The following NNT variants were observed in gnomAD, a reference collection of about 807,000 sequenced individuals.
NNT encodes nicotinamide nucleotide transhydrogenase.
Under a neutral mutation model 104.8 loss-of-function variants are expected in NNT, and 50 were observed. The ratio of observed to expected loss-of-function variants is 0.48; its 90% CI spans 0.38 to 0.60. The LOEUF (loss-of-function observed/expected upper bound fraction) is 0.60, where lower values mean the gene tolerates loss of function less well. NNT is among the 20% of genes least tolerant of loss of function. NNT has a pLI of 0.00. For missense variants in NNT, 1,131 were observed against 1,330.7 expected (o/e 0.85, Z 2.33); for synonymous variants, 461 against 490.4 (o/e 0.94, Z 0.79).
intron 17 of NNT, among the ~76,000 whole-genome samples, chr5:43,670,024 C>T (rs1019683777): frequency 2.6e-5 from 4 of 152,066 alleles, no homozygotes; most frequent in Admixed American, 1.3e-4. Flanking sequence ...GTGTATGTGT[C>T]CAGGAATTTA....
At chr5:43,660,957 A>T (rs1472133957) in intron 17 of NNT, among the ~76,000 whole-genome samples, 1 of 151,970 alleles carries the variant, frequency 6.6e-6, no homozygotes, top group African/African-American at 2.4e-5. Context: ...ATTTTAAAAA[A>T]CTCGCTTATT....
chr5:43,604,617 AGT>A (rs2111734580), intron 1 of NNT, among the ~76,000 whole-genome samples: 1 of 152,296 alleles, frequency 6.6e-6, no homozygotes, highest in Non-Finnish European at 1.5e-5. Context: ...GTAATACCAA[AGT>A]GAATATAACA....
intron 17 of NNT, among the ~76,000 whole-genome samples, chr5:43,660,960 C>T (rs757272117): frequency 1.1e-4 from 17 of 152,208 alleles, no homozygotes; most frequent in East Asian, 5.8e-4. Flanking sequence ...TTAAAAAACT[C>T]GCTTATTTTA....
chr5:43,627,666 T>C (rs6451719), intron 6 of NNT, among the ~76,000 whole-genome samples: 12,683 of 152,246 alleles, frequency 0.083, 727 homozygotes, highest in African/African-American at 0.16. Context: ...TGGCTTTTCA[T>C]ATTTTACCCT....
At chr5:43,606,075 GCTAA>G (rs1305653111) in intron 1 of NNT, among the ~76,000 whole-genome samples, 1 of 152,158 alleles carries the variant, frequency 6.6e-6, no homozygotes, top group African/African-American at 2.4e-5. Flanking sequence ...TTATAGTTGA[GCTAA>G]CTGAGGCAGG....
intron 7 of NNT, among the ~76,000 whole-genome samples, chr5:43,633,740 G>A (rs1451014378): frequency 6.6e-6 from 1 of 152,112 alleles, no homozygotes; most frequent in Non-Finnish European, 1.5e-5. Flanking sequence ...CTTAGGTCTT[G>A]GTTGGTACAG....
chr5:43,636,112 A>G (rs539526665), intron 7 of NNT, among the ~76,000 whole-genome samples: 18 of 152,334 alleles, frequency 1.2e-4, no homozygotes, highest in African/African-American at 4.3e-4. Flanking sequence ...TCTGAATATC[A>G]GATTCCTTAT....
chr5:43,609,424 A>G, intron 2 of NNT, 78 bp downstream of exon 2: 1 of 1,439,490 alleles, frequency 6.9e-7, no homozygotes, highest in African/African-American at 1.4e-5. Context: ...GATAAAAGGA[A>G]AAGCCATGTA....
chr5:43,663,035 G>A (rs1740454037), intron 17 of NNT, among the ~76,000 whole-genome samples: 1 of 151,734 alleles, frequency 6.6e-6, no homozygotes, highest in Non-Finnish European at 1.5e-5. Flanking sequence ...TTTTTTATAT[G>A]AATGTTTAAA....
At chr5:43,634,902 G>A (rs957467388) in intron 7 of NNT, among the ~76,000 whole-genome samples, 5 of 152,178 alleles carry the variant, frequency 3.3e-5, no homozygotes, top group African/African-American at 1.2e-4. Flanking sequence ...TTATGGCATC[G>A]TTATACTTTG....
chr5:43,661,822 TG>T, intron 17 of NNT, among the ~76,000 whole-genome samples: 1 of 152,126 alleles, frequency 6.6e-6, no homozygotes, highest in East Asian at 1.9e-4. Flanking sequence ...GGTGGACATT[TG>T]GGTTGGTTCC....
intron 19 of NNT, among the ~76,000 whole-genome samples, chr5:43,693,809 T>C (rs1742414708): frequency 6.6e-6 from 1 of 152,212 alleles, no homozygotes; most frequent in Non-Finnish European, 1.5e-5. Flanking sequence ...GATGGTGAGG[T>C]TGGATGACCA....
intron 18 of NNT, among the ~76,000 whole-genome samples, chr5:43,676,942 A>G (rs1261760686): frequency 6.6e-6 from 1 of 152,098 alleles, no homozygotes; most frequent in Non-Finnish European, 1.5e-5. Flanking sequence ...AAAAATGGGG[A>G]TAGAAAAGTG....
rs200587159 is a variant in NNT, at chr5:43,616,039, G to T, written c.573G>T (p.Ala191=). 4 of 1,613,882 alleles carry T rather than the reference G, an allele frequency of 2.5e-6. No homozygotes were observed. Among genetic ancestry groups the T allele is most frequent in the East Asian group, 2.2e-5 (1 of 44,876 alleles). The change falls in exon 4 of 22, where the codon GCG becomes GCT. Residue 191 remains alanine, a synonymous_variant. Coordinates refer to ENST00000344920, the MANE Select transcript of NNT (RefSeq NM_182977.3). ...PRVTIAQGYD[A]LSSMANIAGY... ...TCACAATTGCTCAGGGATATGATGC[G>T]CTAAGCTCCATGGCCAACATTGCGG...
At chr5:43,688,789 TATTG>T (rs1742112595) in intron 19 of NNT, among the ~76,000 whole-genome samples, 1 of 152,194 alleles carries the variant, frequency 6.6e-6, no homozygotes, top group Non-Finnish European at 1.5e-5. Flanking sequence ...TTTATCCACT[TATTG>T]ATTGATGGGC....
chr5:43,644,124 T>C (rs1224980202), intron 7 of NNT, 68 bp from the exon 8 acceptor site: 4 of 1,417,908 alleles, frequency 2.8e-6, no homozygotes, highest in Non-Finnish European at 3.9e-6. Context: ...GAGACTACTG[T>C]AATAATTAGA....
chr5:43,651,895 C>T lies in NNT; in HGVS notation c.1863+11C>T. Reference sequence around the variant, plus strand: ...TATAACATTGAACAGGTAAGATGCTCTTTGTAAGTTTTTATATTTACCACA... The same window carrying T: ...TATAACATTGAACAGGTAAGATGCTTTTTGTAAGTTTTTATATTTACCACA... On this transcript the variant is annotated intron_variant, in intron 13 of 21. Transcript: ENST00000344920. 1 of 1,609,436 alleles carries T rather than the reference C, an allele frequency of 6.2e-7. No individual in the cohort carries two copies.
chr5:43,698,290 T>A (rs981575578), intron 19 of NNT, among the ~76,000 whole-genome samples: 1 of 152,026 alleles, frequency 6.6e-6, no homozygotes, highest in Non-Finnish European at 1.5e-5. Context: ...AAAAAATCAA[T>A]TCCCAGCTGG....
rs979754143 is a variant in NNT, at chr5:43,645,437, G to A, written c.1371G>A (p.Glu457=). The A allele has an allele frequency of 9.5e-6, 15 of 1,574,468 alleles. No homozygotes were observed. The highest frequency in any genetic ancestry group is 1.1e-5 in the Non-Finnish European group (13 of 1,159,132). The change falls in exon 10 of 22, where the codon GAG becomes GAA. Residue 457 remains glutamate, a synonymous_variant. Transcript: ENST00000344920. ...CAGTAAAACAGAAGACAGTGGCTGAGCTGGAAGCTGAAAAAGCAGCTACCA... is the reference window on the plus strand; with the variant it reads ...CAGTAAAACAGAAGACAGTGGCTGAACTGGAAGCTGAAAAAGCAGCTACCA... ...GAPVKQKTVA[E]LEAEKAATIT... is the part of the protein sequence containing the mutation.
Sources: gnomAD v4.1 joint callset for allele counts (sites outside exome capture counted in the v4.1 genomes callset) on GRCh38, gnomAD v4.1.1 for gene constraint, MANE v1.5 for transcripts, NCBI Gene and HGNC (gene_info 2026-07-23, HGNC 2026-07-21) for gene names.